Variants in GLDC observed in about 807,000 individuals in gnomAD.
GLDC encodes the protein glycine decarboxylase.
In GLDC, 104 loss-of-function variants were observed where a neutral mutation model predicts 121.3. The ratio of observed to expected loss-of-function variants is 0.86; its 90% CI spans 0.73 to 1.01. The LOEUF is 1.01. Among genes scored for constraint, GLDC ranks in the 50% least tolerant of loss-of-function variants. The pLI is 0.00. For synonymous variants in GLDC, 546 were observed against 480.6 expected, an observed-to-expected ratio of 1.14 and a Z score of -1.78; for missense variants, 1,429 against 1,306.6, an observed-to-expected ratio of 1.09 and a Z score of -1.44.
In GLDC at chr9:6,553,275, T is replaced by G. The variant is rs538324686; in HGVS notation, c.2457+93A>C. Reference sequence around the variant, plus strand: ...CCACATCTCAGATCATGAATTTATTTGTTTTTAAGCCAAGAAGTCTGCAGT... The same window carrying G: ...CCACATCTCAGATCATGAATTTATTGGTTTTTAAGCCAAGAAGTCTGCAGT... On this transcript the variant is annotated intron_variant, in intron 20 of 24. Transcript: ENST00000321612. 150 of 1,122,934 alleles carry G rather than the reference T, an allele frequency of 1.3e-4. No homozygotes were observed. In the South Asian group the frequency reaches 1.6e-3, roughly 12 times the overall value. The allele number at this position is 1,122,934 out of a possible 1,614,324, so 69.6% of individuals were successfully genotyped here.
chr9:6,570,183 C>T (rs1418443640), intron 15 of GLDC, among the ~76,000 whole-genome samples: 2 of 152,188 alleles, frequency 1.3e-5, no homozygotes, highest in Admixed American at 6.5e-5. Context: ...GTCACCAAAA[C>T]TCCCACTGAA....
chr9:6,593,307 T>G (rs1818416395), intron 9 of GLDC, among the ~76,000 whole-genome samples: 1 of 148,510 alleles, frequency 6.7e-6, no homozygotes, highest in Non-Finnish European at 1.5e-5. Flanking sequence ...CTTTTTTTTT[T>G]TGAGAGATAC....
chr9:6,584,588 C>CT (rs1818231704), intron 15 of GLDC, among the ~76,000 whole-genome samples: 1 of 152,110 alleles, frequency 6.6e-6, no homozygotes, highest in South Asian at 2.1e-4. Flanking sequence ...GTATCCCTTC[C>CT]TTTTTTCTGC....
intron 21 of GLDC, among the ~76,000 whole-genome samples, chr9:6,549,009 A>G (rs748717521): frequency 1.3e-5 from 2 of 152,130 alleles, no homozygotes; most frequent in African/African-American, 4.8e-5. Flanking sequence ...ATCTCAGCCC[A>G]TTTTAAACAC....
At chr9:6,613,774 T>C (rs916898214) in intron 3 of GLDC, among the ~76,000 whole-genome samples, 10 of 152,070 alleles carry the variant, frequency 6.6e-5, no homozygotes, top group African/African-American at 2.4e-4. Context: ...TAACTAGTTT[T>C]TTGGGGTTTT....
chr9:6,547,248 A>T (rs1419491629), intron 21 of GLDC, among the ~76,000 whole-genome samples: 1 of 152,180 alleles, frequency 6.6e-6, no homozygotes, highest in Admixed American at 6.5e-5. Context: ...TAAGATATGG[A>T]AACAACATGA....
intron 8 of GLDC, 62 bp downstream of exon 8, chr9:6,602,047 A>G: frequency 4.1e-6 from 4 of 979,242 alleles, no homozygotes; most frequent in Non-Finnish European, 3.3e-6. Flanking sequence ...GAATGAATGA[A>G]TGAGTAGCTC....
intron 15 of GLDC, among the ~76,000 whole-genome samples, chr9:6,566,992 G>C (rs1351471248): frequency 6.6e-6 from 1 of 152,064 alleles, no homozygotes; most frequent in African/African-American, 2.4e-5. Context: ...CCAGAGCTAC[G>C]GGCTCCCTTT....
chr9:6,595,246 T>A, intron 8 of GLDC, 127 bp from the exon 9 acceptor site: 1 of 765,186 alleles, frequency 1.3e-6, no homozygotes, highest in African/African-American at 1.7e-5. Context: ...TCCTACATTC[T>A]TTGATAGTTG....
At chr9:6,545,748 A>T (rs1325269450) in intron 21 of GLDC, among the ~76,000 whole-genome samples, 1 of 151,812 alleles carries the variant, frequency 6.6e-6, no homozygotes, top group East Asian at 1.9e-4. Flanking sequence ...TCAAGCGATT[A>T]TTATGCCTCA....
intron 9 of GLDC, among the ~76,000 whole-genome samples, chr9:6,594,374 G>C (rs1356644975): frequency 2.0e-5 from 3 of 151,972 alleles, no homozygotes; most frequent in African/African-American, 7.3e-5. Flanking sequence ...ATCACAGCTT[G>C]CCAGGAGTAA....
chr9:6,641,271 ACTTCCGTGACCC>A (rs1225009021), intron 2 of GLDC, among the ~76,000 whole-genome samples: 1 of 152,156 alleles, frequency 6.6e-6, no homozygotes, highest in East Asian at 1.9e-4. Flanking sequence ...TCAGTATTGC[ACTTCCGTGACCC>A]CTTCCCTTGC....
At chr9:6,594,720 C>A (rs1448186542) in intron 9 of GLDC, among the ~76,000 whole-genome samples, 1 of 148,706 alleles carries the variant, frequency 6.7e-6, no homozygotes, top group Non-Finnish European at 1.5e-5. Context: ...AGCAAGCAAG[C>A]AAGCAAACAA....
intron 17 of GLDC, 29 bp from the exon 18 acceptor site, chr9:6,556,331 A>G: frequency 6.3e-7 from 1 of 1,595,908 alleles, no homozygotes; most frequent in East Asian, 2.2e-5. Flanking sequence ...AGAGAAGGAC[A>G]TGGAGGGAGG....
chr9:6,540,431 C>T, intron 21 of GLDC: 2 of 425,978 alleles, frequency 4.7e-6, no homozygotes, highest in South Asian at 4.5e-5. Flanking sequence ...CATTACTGAA[C>T]ATATGACCGG....
At chr9:6,638,123 G>A (rs1028718353) in intron 2 of GLDC, among the ~76,000 whole-genome samples, 2 of 151,980 alleles carry the variant, frequency 1.3e-5, no homozygotes, top group Admixed American at 6.6e-5. Flanking sequence ...ACATTCAAGT[G>A]CTTGCCGAAT....
intron 15 of GLDC, among the ~76,000 whole-genome samples, chr9:6,583,327 T>C (rs758947047): frequency 8.5e-5 from 13 of 152,060 alleles, no homozygotes; most frequent in African/African-American, 1.2e-4. Flanking sequence ...TGTCCCTCAA[T>C]TGATGAAGGG....
chr9:6,624,205 G>A (rs1819184612), intron 2 of GLDC, among the ~76,000 whole-genome samples: 1 of 152,178 alleles, frequency 6.6e-6, no homozygotes, highest in Non-Finnish European at 1.5e-5. Flanking sequence ...GTTACAAGTT[G>A]AATTGTGTTC....
chr9:6,559,014 G>A (rs901315475), intron 16 of GLDC, among the ~76,000 whole-genome samples: 1 of 152,122 alleles, frequency 6.6e-6, no homozygotes, highest in South Asian at 2.1e-4. Context: ...CACCTTAGAA[G>A]AACATGAGAC....
Sources: gnomAD v4.1 joint callset for allele counts (sites outside exome capture counted in the v4.1 genomes callset) on GRCh38, gnomAD v4.1.1 for gene constraint, MANE v1.5 for transcripts, NCBI Gene and HGNC (gene_info 2026-07-23, HGNC 2026-07-21) for gene names.